GTF2IRD1: variants seen among roughly 807,000 people sequenced by gnomAD.
The protein encoded by GTF2IRD1 is GTF2I repeat domain containing 1, also known as general transcription factor II-I repeat domain-containing protein 1.
A neutral mutation model predicts 113.2 loss-of-function variants in GTF2IRD1; 26 were observed. The ratio of observed to expected loss-of-function variants is 0.23; its 90% CI spans 0.17 to 0.32. The LOEUF (loss-of-function observed/expected upper bound fraction) is 0.32, where lower values mean the gene tolerates loss of function less well. GTF2IRD1 is among the 10% of genes least tolerant of loss of function. The pLI is 1.00. For synonymous variants in GTF2IRD1, 484 were observed against 529.1 expected (o/e 0.91, Z 1.17); for missense variants, 864 against 1,280.8 (o/e 0.67, Z 4.97).
intron 14 of GTF2IRD1, among the ~76,000 whole-genome samples, chr7:74,542,240 C>CA (rs1312403066): frequency 5.3e-5 from 8 of 150,012 alleles, no homozygotes; most frequent in East Asian, 2.0e-4. Context: ...CTAAAAAGAC[C>CA]AAAAAAAAAT....
In GTF2IRD1 at chr7:74,518,140, C is replaced by T. The variant is rs1484932538; in HGVS notation, c.423C>T (p.Ser141=). ...MVEEVFDVLY[S]EALGRASVVP... ...CCTCTCCTGGACTCTCCCCTACAGG[C>T]GAGGCCCTGGGAAGGGCCAGTGTGG... The change falls in exon 5 of 27, where the codon AGC becomes AGT. Residue 141 remains serine (S), a splice_region_variant and synonymous_variant. Transcript: ENST00000424337. The T allele has an allele frequency of 1.3e-5, 21 of 1,567,138 alleles. No homozygotes were observed. The highest frequency in any genetic ancestry group is 1.7e-5 in the Non-Finnish European group (20 of 1,153,182).
chr7:74,498,837 T>C (rs1465926551), intron 1 of GTF2IRD1, among the ~76,000 whole-genome samples: 2 of 151,810 alleles, frequency 1.3e-5, no homozygotes, highest in African/African-American at 4.8e-5. Flanking sequence ...CTAGCAATTC[T>C]CCTGCCTCGG....
chr7:74,516,688 C>T (rs587734291), intron 4 of GTF2IRD1, among the ~76,000 whole-genome samples: 1 of 152,212 alleles, frequency 6.6e-6, no homozygotes, highest in African/African-American at 2.4e-5. Context: ...GGTGGTCACA[C>T]TGGCCACCCT....
At chr7:74,575,456 C>T (rs1249084771) in intron 22 of GTF2IRD1, among the ~76,000 whole-genome samples, 1 of 152,146 alleles carries the variant, frequency 6.6e-6, no homozygotes, top group Non-Finnish European at 1.5e-5. Context: ...CAGTTCTGAG[C>T]AGAGGGTAAC....
At chr7:74,485,832 A>G (rs1342517905) in intron 1 of GTF2IRD1, among the ~76,000 whole-genome samples, 6 of 152,076 alleles carry the variant, frequency 3.9e-5, no homozygotes, top group Non-Finnish European at 8.8e-5. Flanking sequence ...AGCCTGAGGC[A>G]GGAGAATTGC....
At chr7:74,571,108 C>T (rs1327443686) in intron 22 of GTF2IRD1, 4 of 985,272 alleles carry the variant, frequency 4.1e-6, no homozygotes, top group Non-Finnish European at 4.8e-6. Flanking sequence ...CCCACCTCTC[C>T]TTCCCCAGAG....
chr7:74,478,935 G>C (rs1794579848), intron 1 of GTF2IRD1, among the ~76,000 whole-genome samples: 2 of 151,854 alleles, frequency 1.3e-5, no homozygotes, highest in African/African-American at 2.4e-5. Context: ...AAATTATAGA[G>C]ATGGGGTCTC....
chr7:74,488,479 T>G (rs1477078904), intron 1 of GTF2IRD1, among the ~76,000 whole-genome samples: 1 of 152,192 alleles, frequency 6.6e-6, no homozygotes, highest in Non-Finnish European at 1.5e-5. Context: ...AACCTCTGGC[T>G]GGGCACGGTG....
At chr7:74,480,762 G>A (rs900432865) in intron 1 of GTF2IRD1, among the ~76,000 whole-genome samples, 3 of 152,206 alleles carry the variant, frequency 2.0e-5, no homozygotes, top group Non-Finnish European at 2.9e-5. Flanking sequence ...GAGTCCCTCC[G>A]TGCCCGCCCC....
intron 22 of GTF2IRD1, among the ~76,000 whole-genome samples, chr7:74,579,597 G>A (rs1380710326): frequency 4.8e-5 from 7 of 147,116 alleles, no homozygotes; most frequent in African/African-American, 1.5e-4. Flanking sequence ...CACCCTGAGC[G>A]ACAGAGCAAG....
intron 25 of GTF2IRD1, among the ~76,000 whole-genome samples, chr7:74,598,019 C>A (rs1165104169): frequency 3.9e-5 from 6 of 152,164 alleles, no homozygotes; most frequent in African/African-American, 1.2e-4. Flanking sequence ...GAGCTAGTCA[C>A]AAGCCTGGGC....
At chr7:74,501,589 TC>T (rs1796035391) in intron 1 of GTF2IRD1, among the ~76,000 whole-genome samples, 1 of 152,100 alleles carries the variant, frequency 6.6e-6, no homozygotes, top group African/African-American at 2.4e-5. Context: ...TCTTTGGCTG[TC>T]CCCTCTGTGA....
At chr7:74,537,982 G>T (rs1395745094) in intron 11 of GTF2IRD1, among the ~76,000 whole-genome samples, 154 bp from the exon 12 acceptor site, 1 of 152,154 alleles carries the variant, frequency 6.6e-6, no homozygotes, top group African/African-American at 2.4e-5. Context: ...GGTGGAGGTG[G>T]GGAGCACCAT....
chr7:74,506,401 G>C (rs1288811582), intron 1 of GTF2IRD1: 1 of 152,172 alleles, frequency 6.6e-6, no homozygotes, highest in East Asian at 1.9e-4. Flanking sequence ...GACACCCCAG[G>C]CCTGGTGCCC....
intron 17 of GTF2IRD1, among the ~76,000 whole-genome samples, chr7:74,549,935 C>CT (rs1297035171): frequency 6.6e-6 from 1 of 152,046 alleles, no homozygotes; most frequent in Non-Finnish European, 1.5e-5. Flanking sequence ...ACTCTGGAGG[C>CT]TGAGGCAGGA....
chr7:74,580,704 G>T (rs1426511565), intron 22 of GTF2IRD1, among the ~76,000 whole-genome samples: 3 of 152,126 alleles, frequency 2.0e-5, no homozygotes, highest in Admixed American at 1.3e-4. Flanking sequence ...TGAGCAGGAG[G>T]GGGGCAGGAA....
At chr7:74,469,057 C>A (rs1793925767) in intron 1 of GTF2IRD1, among the ~76,000 whole-genome samples, 1 of 149,214 alleles carries the variant, frequency 6.7e-6, no homozygotes, top group Non-Finnish European at 1.5e-5. Context: ...TGCACTCCAG[C>A]CTGGACGACA....
rs35760074 is a variant in GTF2IRD1 at position 74,508,690 on chromosome 7, T to TAAA, written c.123+504_123+506dup. Among the ~76,000 whole-genome samples the TAAA allele has an allele frequency of 6.6e-4, 87 of 132,054 alleles. 1 individual carries two copies. Among genetic ancestry groups the TAAA allele is most frequent in the African/African-American group, 2.3e-3 (82 of 35,844 alleles). The allele number at this position is 132,054 out of a possible 152,430, so 86.6% of individuals were successfully genotyped here. A position where few individuals can be genotyped will look rare whatever the true frequency, so the allele number is the denominator to read the frequency against. On this transcript the variant is annotated intron_variant, in intron 2 of 26. Coordinates refer to ENST00000424337, the MANE Select transcript of GTF2IRD1 (RefSeq NM_005685.4). The stretch of plus-strand genomic sequence containing the variant: ...TGGGTGACAGGGCAAGACTCCGTCT[T>TAAA]AAAAAAAAAAAAAAAAAAATCTAGC...
intron 15 of GTF2IRD1, 88 bp downstream of exon 15, chr7:74,544,890 C>T: frequency 2.0e-6 from 2 of 993,560 alleles, no homozygotes; most frequent in Non-Finnish European, 3.1e-6. Flanking sequence ...GCCTCTGGGT[C>T]TCTTCGTTCT....
Sources: allele counts gnomAD v4.1 joint callset (sites outside exome capture counted in the v4.1 genomes callset), GRCh38; gene constraint gnomAD v4.1.1; transcripts MANE v1.5; gene names NCBI Gene and HGNC (gene_info 2026-07-23, HGNC 2026-07-21).